MYO5B: variants seen among roughly 807,000 people sequenced by gnomAD.
MYO5B encodes the protein myosin VB.
Under a neutral mutation model 229.3 loss-of-function variants are expected in MYO5B, and 143 were observed. That is an observed-to-expected ratio of 0.62 (90% CI 0.54 to 0.72). The LOEUF (loss-of-function observed/expected upper bound fraction) is 0.72. Ranked by LOEUF, MYO5B falls within the 30% of genes least tolerant of loss-of-function variation. The pLI is 0.00. For missense variants in MYO5B, 2,321 were observed against 2,331.0 expected (o/e 1.00, Z 0.09); for synonymous variants, 918 against 885.2 (o/e 1.04, Z -0.66).
chr18:50,167,503 C>T (rs1568131194), intron 1 of MYO5B, among the ~76,000 whole-genome samples: 1 of 152,170 alleles, frequency 6.6e-6, no homozygotes, highest in Non-Finnish European at 1.5e-5. Flanking sequence ...TCAACTGTCC[C>T]AACCTCTAGA....
intron 1 of MYO5B, among the ~76,000 whole-genome samples, chr18:50,095,938 G>A (rs2031541774): frequency 6.6e-6 from 1 of 152,200 alleles, no homozygotes; most frequent in South Asian, 2.1e-4. Flanking sequence ...AAAGTCAAAT[G>A]TGAGTCGGTC....
At chr18:50,154,807 C>T (rs1599062911) in intron 1 of MYO5B, among the ~76,000 whole-genome samples, 1 of 152,192 alleles carries the variant, frequency 6.6e-6, no homozygotes, top group East Asian at 1.9e-4. Flanking sequence ...GGGGTTCAAG[C>T]TTCCTTCTCT....
At position 49,861,655 on chromosome 18, in the gene MYO5B, A is replaced by G. The variant is rs566077597; in HGVS notation, c.3944+1572T>C. The stretch of plus-strand genomic sequence containing the variant: ...ACCTTCAACTTCTGATTACCTACTC[A>G]GTGGCTGGAAACTGCCCCAGCCTGA... On this transcript the variant is annotated intron_variant, in intron 29 of 39. Coordinates refer to ENST00000285039, the MANE Select transcript of MYO5B (RefSeq NM_001080467.3). Among the ~76,000 whole-genome samples, 5 of 152,102 alleles carry G rather than the reference A, an allele frequency of 3.3e-5. No homozygotes were observed. The East Asian group carries it at 7.8e-4, about 24-fold the overall frequency.
At chr18:49,911,501 C>T (rs2024957166) in intron 18 of MYO5B, among the ~76,000 whole-genome samples, 2 of 152,172 alleles carry the variant, frequency 1.3e-5, no homozygotes, top group African/African-American at 4.8e-5. Flanking sequence ...AGCTTGTTTA[C>T]TCATATAATC....
chr18:50,192,400 G>A (rs1261411893), intron 1 of MYO5B, among the ~76,000 whole-genome samples: 1 of 152,182 alleles, frequency 6.6e-6, no homozygotes, highest in Non-Finnish European at 1.5e-5. Context: ...CTGCCAAGAG[G>A]TGGAAGAGGT....
chr18:49,965,631 C>T (rs191658508), intron 10 of MYO5B, among the ~76,000 whole-genome samples: 394 of 152,244 alleles, frequency 2.6e-3, no homozygotes, highest in African/African-American at 9.1e-3. Flanking sequence ...TTAATCCCAT[C>T]CTGTGGCTGA....
chr18:49,878,818 A>G, intron 24 of MYO5B, 127 bp downstream of exon 24: 1 of 1,152,212 alleles, frequency 8.7e-7, no homozygotes, highest in Non-Finnish European at 1.3e-6. Flanking sequence ...CAGTAATGGC[A>G]AGTGCTGCAC....
chr18:49,981,786 A>T lies in MYO5B; in HGVS notation c.947-1233T>A, dbSNP rs962400088. On this transcript the variant is annotated intron_variant, in intron 8 of 39. Coordinates refer to ENST00000285039, the MANE Select transcript of MYO5B (RefSeq NM_001080467.3). ...TTATTTGAATACGTGGTATTAGCTT[A>T]AAAATCCCCCCCAAAAAACACCAAA... Among the ~76,000 whole-genome samples, 52 of 152,310 alleles carry T rather than the reference A, an allele frequency of 3.4e-4. 1 individual carries two copies. Among genetic ancestry groups the T allele is most frequent in the Non-Finnish European group, 4.9e-4 (33 of 68,026 alleles).
rs370574448 is a variant in MYO5B, at chr18:50,001,396, C to T, written c.471G>A (p.Gln157=). The change falls in exon 5 of 40, where the codon CAG becomes CAA. Residue 157 remains glutamine, a synonymous_variant. Transcript: ENST00000285039. Reference sequence around the variant, plus strand: ...CAGACTCCCCACTGACTATGATGGACTGATTCTTCTCATCTCTGGAAGGAA... The same window carrying T: ...CAGACTCCCCACTGACTATGATGGATTGATTCTTCTCATCTCTGGAAGGAA... ...YKQMARDEKN[Q]SIIVSGESGA... The T allele has an allele frequency of 5.6e-5, 91 of 1,614,062 alleles. No homozygotes were observed. Among genetic ancestry groups the T allele is most frequent in the East Asian group, 2.9e-4 (13 of 44,888 alleles).
chr18:50,081,498 G>A (rs1476592988), intron 1 of MYO5B, among the ~76,000 whole-genome samples: 1 of 152,212 alleles, frequency 6.6e-6, no homozygotes, highest in African/African-American at 2.4e-5. Context: ...AACACTATGA[G>A]AGAGAAACAT....
chr18:50,181,991 C>T (rs995780312), intron 1 of MYO5B, among the ~76,000 whole-genome samples: 2 of 152,186 alleles, frequency 1.3e-5, no homozygotes, highest in Non-Finnish European at 2.9e-5. Context: ...CTCCTTAATG[C>T]TTATTCATAC....
chr18:50,052,877 A>T (rs2030437729), intron 2 of MYO5B, among the ~76,000 whole-genome samples: 1 of 152,140 alleles, frequency 6.6e-6, no homozygotes, highest in Non-Finnish European at 1.5e-5. Context: ...GTCCTATCAT[A>T]AGTCAGAGGT....
In MYO5B at chr18:50,077,168, T is replaced by TAA. The variant is rs71169476; in HGVS notation, c.28-21792_28-21791dup. Reference sequence around the variant, plus strand: ...TTAGGGTTAATTTATTGTGGCAAAGTAAAAAAAAAAAAAAAAAAAAAAAAA... The same window carrying TAA: ...TTAGGGTTAATTTATTGTGGCAAAGTAAAAAAAAAAAAAAAAAAAAAAAAAAA... On this transcript the variant is annotated intron_variant, in intron 1 of 39. Transcript: ENST00000285039. 6.2e-3 allele frequency among the ~76,000 whole-genome samples: 506 copies of TAA among 81,196 alleles called. 6 individuals carry two copies. Among genetic ancestry groups the TAA allele is most frequent in the African/African-American group, 0.021 (461 of 22,230 alleles). 53.3% of individuals were successfully genotyped at this position (81,196 alleles called of 152,430 possible).
At chr18:49,997,379 T>C (rs1426821879) in intron 5 of MYO5B, among the ~76,000 whole-genome samples, 11 of 134,554 alleles carry the variant, frequency 8.2e-5, no homozygotes, top group Admixed American at 1.5e-4. Context: ...CTTTTTTTTT[T>C]TTTTTTTTTT....
At chr18:49,871,398 C>CT (rs1379853674) in intron 27 of MYO5B, among the ~76,000 whole-genome samples, 7 of 152,074 alleles carry the variant, frequency 4.6e-5, no homozygotes, top group African/African-American at 1.7e-4. Context: ...TACCATTGAA[C>CT]TATACACTTA....
chr18:50,186,169 C>T (rs1305565768), intron 1 of MYO5B, among the ~76,000 whole-genome samples: 2 of 152,204 alleles, frequency 1.3e-5, no homozygotes, highest in Admixed American at 6.5e-5. Context: ...TACAGTACTG[C>T]ACGCTTCCAG....
intron 18 of MYO5B, among the ~76,000 whole-genome samples, chr18:49,909,769 G>A (rs1476631019): frequency 6.6e-6 from 1 of 152,204 alleles, no homozygotes; most frequent in Non-Finnish European, 1.5e-5. Context: ...GTATTTCAGA[G>A]CTCAGTTTGG....
rs375747774 is a variant in MYO5B, at chr18:49,864,122, C to T, written c.3843+19G>A. The T allele has an allele frequency of 6.2e-6, 10 of 1,604,582 alleles. No individual in the cohort carries two copies. Among genetic ancestry groups the T allele is most frequent in the Non-Finnish European group, 8.5e-6 (10 of 1,179,654 alleles). On this transcript the variant is annotated intron_variant, in intron 28 of 39. Transcript: ENST00000285039. The stretch of plus-strand genomic sequence containing the variant: ...GGGTCACCCCTCGGCAGCCCCACCG[C>T]GGGCCGCCATCTTGTTACCGCGTTC...
At chr18:49,836,439 C>T (rs1185464777) in intron 38 of MYO5B, among the ~76,000 whole-genome samples, 3 of 152,150 alleles carry the variant, frequency 2.0e-5, no homozygotes, top group South Asian at 2.1e-4. Context: ...CTAAACTTAA[C>T]GTTTTGTGAG....
Sources: allele counts gnomAD v4.1 joint callset (sites outside exome capture counted in the v4.1 genomes callset), GRCh38; gene constraint gnomAD v4.1.1; transcripts MANE v1.5; gene names NCBI Gene and HGNC (gene_info 2026-07-23, HGNC 2026-07-21).